IL31RA: variants seen among roughly 807,000 people sequenced by gnomAD.
The protein encoded by IL31RA is interleukin-31 receptor subunit alpha.
Under a neutral mutation model 83.7 loss-of-function variants are expected in IL31RA, and 66 were observed. The observed-to-expected ratio is 0.79, with a 90% CI of 0.65 to 0.97. IL31RA has a LOEUF of 0.97. Ranked by LOEUF, IL31RA falls within the 50% of genes least tolerant of loss-of-function variation. The probability of loss-of-function intolerance (pLI) is 0.00; values close to 1 mark genes in which losing one functional copy is unlikely to be tolerated. For synonymous variants in IL31RA, 325 were observed against 329.0 expected, an observed-to-expected ratio of 0.99 and a Z score of 0.13; for missense variants, 798 against 919.4, an observed-to-expected ratio of 0.87 and a Z score of 1.71.
chr5:55,851,614 G>C lies in IL31RA; in HGVS notation c.44G>C (p.Cys15Ser), dbSNP rs762170596. The C allele has an allele frequency of 5.0e-6, 8 of 1,613,940 alleles. No individual in the cohort carries two copies. In the South Asian group the frequency reaches 8.8e-5, roughly 18 times the overall value. Residue 15 changes from cysteine to serine, a missense_variant, in exon 1 of 15, where the codon TGT becomes TCT. Transcript: ENST00000652347. ...AAGTTTTTCACCACGGCATGTGTCT[G>C]TGAATGTCCGCAAAACATTGTGAGT... ...QLKFFTTACVCECPQNILSPQ... is the reference protein window; with the variant it reads ...QLKFFTTACVSECPQNILSPQ...
At position 55,919,890 on chromosome 5, in the gene IL31RA, G is replaced by C. The variant is rs1750002692; in HGVS notation, c.*2770G>C. Among the ~76,000 whole-genome samples, 1 of 152,172 alleles carries C rather than the reference G, an allele frequency of 6.6e-6. No individual in the cohort carries two copies. Among genetic ancestry groups the C allele is most frequent in the African/African-American group, 2.4e-5 (1 of 41,444 alleles). ...TCTGTGGCTGGAGAAGGCCATCTGT[G>C]TTTTCCCTGTTTACTGTCAGAGACA... On this transcript the variant is annotated 3_prime_UTR_variant, in exon 15 of 15. Transcript: ENST00000652347.
chr5:55,847,673 T>A (rs1744969237), upstream of IL31RA, among the ~76,000 whole-genome samples: 1 of 152,202 alleles, frequency 6.6e-6, no homozygotes, highest in African/African-American at 2.4e-5. Context: ...TATGGTACAT[T>A]TGTCAAAACT....
chr5:55,853,098 T>C (rs933034735), intron 1 of IL31RA, among the ~76,000 whole-genome samples: 1 of 152,310 alleles, frequency 6.6e-6, no homozygotes, highest in South Asian at 2.1e-4. Context: ...CTACCATTAT[T>C]TTCTTTCCTT....
At chr5:55,904,103 C>G (rs140559056) in intron 8 of IL31RA, among the ~76,000 whole-genome samples, 411 of 152,290 alleles carry the variant, frequency 2.7e-3, no homozygotes, top group African/African-American at 9.6e-3. Context: ...TTATAAAGGG[C>G]CCACTGTCTT....
chr5:55,915,709 G>T (rs1053294043), intron 14 of IL31RA, among the ~76,000 whole-genome samples: 1 of 152,058 alleles, frequency 6.6e-6, no homozygotes, highest in Non-Finnish European at 1.5e-5. Flanking sequence ...TATCAGTCCG[G>T]TATACTGGAC....
In IL31RA at chr5:55,872,305, A is replaced by T. The variant is rs150091223; in HGVS notation, c.308A>T (p.Asn103Ile). The T allele has an allele frequency of 5.6e-6, 9 of 1,613,498 alleles. No homozygotes were observed. The Admixed American group carries it at 1.5e-4, about 27-fold the overall frequency. ...FGEKHDNCTTNSSTSENRASC... is the reference protein window; with the variant it reads ...FGEKHDNCTTISSTSENRASC... ...GAAAAACATGATAATTGTACAACCA[A>T]TAGTTCTACAAGTGAAAATCGTGCT... The change falls in exon 4 of 15, where the codon AAT (asparagine) becomes ATT (isoleucine). Residue 103 changes from asparagine (N) to isoleucine (I), a missense_variant. By Grantham distance (149) the Asn-to-Ile change is moderately radical (BLOSUM62 -3). Transcript: ENST00000652347.
intron 2 of IL31RA, among the ~76,000 whole-genome samples, chr5:55,862,846 A>T (rs934577962): frequency 2.0e-5 from 3 of 152,216 alleles, no homozygotes; most frequent in Non-Finnish European, 4.4e-5. Context: ...CTTAAGGAGT[A>T]CTGACAAGTA....
At chr5:55,853,540 T>A (rs1745181008) in intron 1 of IL31RA, 1 of 1,550,926 alleles carries the variant, frequency 6.4e-7, no homozygotes, top group African/African-American at 1.4e-5. Context: ...CAGCAGAACA[T>A]CTGTGGAACA....
At chr5:55,868,351 A>G (rs1746313918) in intron 2 of IL31RA, among the ~76,000 whole-genome samples, 4 of 152,240 alleles carry the variant, frequency 2.6e-5, no homozygotes, top group Admixed American at 2.6e-4. Context: ...TCTCTATTGT[A>G]CAATCTTCTG....
At chr5:55,914,218 G>GA (rs1749659083) in intron 13 of IL31RA, among the ~76,000 whole-genome samples, 1 of 152,196 alleles carries the variant, frequency 6.6e-6, no homozygotes, top group Non-Finnish European at 1.5e-5. Context: ...TCAAGCAGCT[G>GA]CACTTAGTTA....
intron 2 of IL31RA, chr5:55,866,515 G>C (rs969256839): frequency 6.6e-6 from 1 of 151,330 alleles, no homozygotes; most frequent in African/African-American, 2.4e-5. Context: ...AGAATCTAAT[G>C]CTGCTGCTGT....
At chr5:55,888,597 A>G (rs1036406042) in intron 5 of IL31RA, among the ~76,000 whole-genome samples, 7 of 152,168 alleles carry the variant, frequency 4.6e-5, no homozygotes, top group African/African-American at 1.4e-4. Context: ...TGCTGTATGG[A>G]TTAGTATTTT....
At chr5:55,865,304 AC>A (rs1323805728) in intron 2 of IL31RA, among the ~76,000 whole-genome samples, 1 of 152,204 alleles carries the variant, frequency 6.6e-6, no homozygotes, top group Non-Finnish European at 1.5e-5. Context: ...AAGCCTTTGA[AC>A]TGCTTGTTGG....
At chr5:55,897,116 T>C (rs1326944501) in intron 7 of IL31RA, among the ~76,000 whole-genome samples, 4 of 136,214 alleles carry the variant, frequency 2.9e-5, no homozygotes, top group African/African-American at 8.3e-5. Context: ...TCCCAAAGCA[T>C]TGGGATTATA....
At chr5:55,865,789 T>C (rs1029920750) in intron 2 of IL31RA, among the ~76,000 whole-genome samples, 3 of 152,172 alleles carry the variant, frequency 2.0e-5, no homozygotes, top group Admixed American at 6.5e-5. Context: ...CGTTGTGTCA[T>C]TTCTTCTGGT....
At chr5:55,864,052 A>G (rs936640866) in intron 2 of IL31RA, among the ~76,000 whole-genome samples, 1 of 152,162 alleles carries the variant, frequency 6.6e-6, no homozygotes, top group Non-Finnish European at 1.5e-5. Context: ...AAAAGGAAAT[A>G]AAATAAAATA....
At chr5:55,908,730 T>C in intron 11 of IL31RA, 1 of 1,450,304 alleles carries the variant, frequency 6.9e-7, no homozygotes, top group Non-Finnish European at 9.0e-7. Context: ...ATGGCGTGCC[T>C]GGCTTAAAGA....
upstream of IL31RA, among the ~76,000 whole-genome samples, chr5:55,849,014 C>T (rs1744995091): frequency 6.6e-6 from 1 of 152,202 alleles, no homozygotes; most frequent in Admixed American, 6.5e-5. Flanking sequence ...ATCTATTTCC[C>T]TTCATGGGGA....
Position 55,872,406 on chromosome 5 carries a change from G to T in IL31RA, c.409G>T (p.Gly137Cys). 2 of 1,610,612 alleles carry T rather than the reference G, an allele frequency of 1.2e-6. No homozygotes were observed. Among genetic ancestry groups the T allele is most frequent in the Non-Finnish European group, 1.7e-6 (2 of 1,177,010 alleles). ...TGAGGTGGAAGCTGAAAATGGAGAT[G>T]GTGTAATTAAATCTCATATGACATA... ...TIEVEAENGD[G>C]VIKSHMTYWR... The change falls in exon 4 of 15, where the codon GGT (glycine) becomes TGT (cysteine). Residue 137 changes from glycine (G) to cysteine (C), a missense_variant. Gly to Cys is a radical substitution (Grantham distance 159). Transcript: ENST00000652347.
Sources: gnomAD v4.1 joint callset for allele counts (sites outside exome capture counted in the v4.1 genomes callset) on GRCh38, gnomAD v4.1.1 for gene constraint, MANE v1.5 for transcripts, NCBI Gene and HGNC (gene_info 2026-07-23, HGNC 2026-07-21) for gene names.